SIK3: variants seen among roughly 807,000 people sequenced by gnomAD.
The protein encoded by SIK3 is SIK family kinase 3.
Under a neutral mutation model 144.2 loss-of-function variants are expected in SIK3, and 28 were observed. The observed-to-expected ratio is 0.19, with a 90% CI of 0.14 to 0.27. SIK3 has a LOEUF of 0.27. Ranked by LOEUF, SIK3 falls within the 10% of genes least tolerant of loss-of-function variation. The pLI is 1.00. For synonymous variants in SIK3, 686 were observed against 676.3 expected, an observed-to-expected ratio of 1.01 and a Z score of -0.22; for missense variants, 1,319 against 1,776.0, an observed-to-expected ratio of 0.74 and a Z score of 4.62.
At chr11:117,070,032 C>T (rs1049777111) in intron 1 of SIK3, among the ~76,000 whole-genome samples, 1 of 152,116 alleles carries the variant, frequency 6.6e-6, no homozygotes, top group African/African-American at 2.4e-5. Flanking sequence ...GGCATTTAAG[C>T]CCAAAAGATT....
intron 1 of SIK3, among the ~76,000 whole-genome samples, chr11:117,009,259 T>C (rs1951164420): frequency 7.0e-6 from 1 of 143,158 alleles, no homozygotes; most frequent in South Asian, 2.2e-4. Context: ...AAATCTATGA[T>C]GCAGGGCCAG....
At chr11:116,942,014 G>A (rs1458326913) in intron 3 of SIK3, among the ~76,000 whole-genome samples, 1 of 152,144 alleles carries the variant, frequency 6.6e-6, no homozygotes, top group Non-Finnish European at 1.5e-5. Flanking sequence ...AATTGAATGA[G>A]TAGTAAATAT....
At chr11:117,013,915 G>GGGGGGGGTGTGT (rs1206309055) in intron 1 of SIK3, among the ~76,000 whole-genome samples, 1 of 23,618 alleles carries the variant, frequency 4.2e-5, no homozygotes, top group Non-Finnish European at 1.3e-4. Context: ...GGGGGGGGAG[G>GGGGGGGGTGTGT]GTGTGTGTGT....
intron 1 of SIK3, among the ~76,000 whole-genome samples, chr11:116,959,373 A>G (rs1949259333): frequency 6.6e-6 from 1 of 152,160 alleles, no homozygotes; most frequent in South Asian, 2.1e-4. Context: ...ACAAGCAATA[A>G]TGGATCACCT....
intron 1 of SIK3, among the ~76,000 whole-genome samples, chr11:117,027,713 T>C (rs1286346364): frequency 6.6e-6 from 1 of 152,020 alleles, no homozygotes; most frequent in Non-Finnish European, 1.5e-5. Context: ...GTGATCCACC[T>C]GCCTCAGCCT....
At chr11:117,015,416 AT>A (rs1370292067) in intron 1 of SIK3, among the ~76,000 whole-genome samples, 1 of 151,894 alleles carries the variant, frequency 6.6e-6, no homozygotes, top group Non-Finnish European at 1.5e-5. Context: ...ATTTATTTTT[AT>A]TTTTTATTTT....
chr11:116,995,266 C>CAA (rs1215261265), intron 1 of SIK3, among the ~76,000 whole-genome samples: 10 of 96,636 alleles, frequency 1.0e-4, no homozygotes, highest in Admixed American at 6.4e-4. Context: ...GACTCCGTCT[C>CAA]AAAAAAAAAA....
In SIK3 at chr11:116,844,639, ATTAT is replaced by A. The variant is rs2134249091; in HGVS notation, c.*1000_*1003del. The A allele has an allele frequency of 3.5e-5, 3 of 85,836 alleles. No individual in the cohort carries two copies. In the African/African-American group the frequency reaches 3.6e-4, roughly 10 times the overall value. 5.3% of individuals were successfully genotyped at this position (85,836 alleles called of 1,614,324 possible). ...ATATAATATATATATAATATATTAT[ATTAT>A]ATATTATATATATAATATATATATA... On this transcript the variant is annotated 3_prime_UTR_variant, in exon 25 of 25. Coordinates refer to ENST00000445177, the MANE Select transcript of SIK3 (RefSeq NM_001366686.3).
intron 1 of SIK3, among the ~76,000 whole-genome samples, chr11:116,992,287 T>C (rs1263331583): frequency 6.7e-6 from 1 of 148,326 alleles, no homozygotes; most frequent in African/African-American, 2.5e-5. Context: ...ATCCTACCAA[T>C]GCACTCCAGC....
chr11:117,060,653 T>C (rs1045834369), intron 1 of SIK3, among the ~76,000 whole-genome samples: 2 of 150,394 alleles, frequency 1.3e-5, no homozygotes, highest in Non-Finnish European at 3.0e-5. Context: ...AAGGGATGAA[T>C]AGGTACAGCA....
chr11:117,031,039 T>C (rs926443483), intron 1 of SIK3, among the ~76,000 whole-genome samples: 7 of 152,222 alleles, frequency 4.6e-5, no homozygotes, highest in African/African-American at 1.7e-4. Context: ...GTTATTTATA[T>C]ATTCTAGACA....
chr11:116,902,251 G>A (rs1282237163), intron 4 of SIK3, among the ~76,000 whole-genome samples: 2 of 152,128 alleles, frequency 1.3e-5, no homozygotes, highest in Non-Finnish European at 1.5e-5. Flanking sequence ...GTTTAAATTC[G>A]CCTATAAGCA....
chr11:116,946,964 A>G (rs1948621295), intron 3 of SIK3, among the ~76,000 whole-genome samples: 1 of 151,052 alleles, frequency 6.6e-6, no homozygotes, highest in Non-Finnish European at 1.5e-5. Flanking sequence ...AAATACAAAA[A>G]ATTAGCCGGG....
chr11:116,971,697 C>T (rs1402231005), intron 1 of SIK3, among the ~76,000 whole-genome samples: 1 of 152,204 alleles, frequency 6.6e-6, no homozygotes, highest in Non-Finnish European at 1.5e-5. Context: ...ATCCCAATCA[C>T]CGTATCATTT....
At chr11:117,020,236 C>CTT (rs1951709156) in intron 1 of SIK3, among the ~76,000 whole-genome samples, 1 of 122,238 alleles carries the variant, frequency 8.2e-6, no homozygotes, top group African/African-American at 3.7e-5. Context: ...TGTATATGTG[C>CTT]ATATATATAT....
intron 1 of SIK3, among the ~76,000 whole-genome samples, chr11:117,061,855 A>C (rs1953809640): frequency 6.6e-6 from 1 of 152,248 alleles, no homozygotes; most frequent in South Asian, 2.1e-4. Flanking sequence ...CGTTACAAAA[A>C]AAGAGAATCA....
intron 1 of SIK3, among the ~76,000 whole-genome samples, chr11:117,004,561 G>A (rs545757868): frequency 1.2e-4 from 18 of 152,098 alleles, no homozygotes; most frequent in Non-Finnish European, 1.8e-4. Context: ...TCCAAACAGG[G>A]ACCCTGAAAA....
At chr11:116,986,376 C>T (rs1357587662) in intron 1 of SIK3, among the ~76,000 whole-genome samples, 4 of 152,120 alleles carry the variant, frequency 2.6e-5, no homozygotes, top group Admixed American at 6.5e-5. Context: ...TCATTATTAG[C>T]TGTTCTTGTT....
chr11:117,058,950 T>C (rs73576612), intron 1 of SIK3, among the ~76,000 whole-genome samples: 8,618 of 152,224 alleles, frequency 0.057, 524 homozygotes, highest in African/African-American at 0.15. Flanking sequence ...TGATGACTCA[T>C]TGAAAGTGAC....
Sources: allele counts gnomAD v4.1 joint callset (sites outside exome capture counted in the v4.1 genomes callset), GRCh38; gene constraint gnomAD v4.1.1; transcripts MANE v1.5; gene names NCBI Gene and HGNC (gene_info 2026-07-23, HGNC 2026-07-21).